WDFY3: variants seen among roughly 807,000 people sequenced by gnomAD.
WDFY3 encodes the protein WD repeat and FYVE domain-containing protein 3.
In WDFY3, 66 loss-of-function variants were observed where a neutral mutation model predicts 409.6. That is an observed-to-expected ratio of 0.16 (90% confidence interval 0.13 to 0.20). The LOEUF (loss-of-function observed/expected upper bound fraction) is 0.20, where lower values mean the gene tolerates loss of function less well. WDFY3 is among the 10% of genes least tolerant of loss of function. The probability of loss-of-function intolerance (pLI) is 1.00; values close to 1 mark genes in which losing one functional copy is unlikely to be tolerated. For synonymous variants in WDFY3, 1,521 were observed against 1,537.1 expected, an observed-to-expected ratio of 0.99 and a Z score of 0.25; for missense variants, 3,031 against 4,298.1, an observed-to-expected ratio of 0.71 and a Z score of 8.24.
chr4:84,700,662 C>T (rs1386003800), intron 56 of WDFY3, among the ~76,000 whole-genome samples: 1 of 152,228 alleles, frequency 6.6e-6, no homozygotes, highest in East Asian at 1.9e-4. Context: ...ACCTTTGCAA[C>T]ATGGATTATC....
Position 84,801,609 on chromosome 4 carries a change from A to G in WDFY3, c.2822+41T>C, listed in dbSNP as rs768367575. On this transcript the variant is annotated intron_variant, in intron 17 of 67. Coordinates refer to ENST00000295888, the MANE Select transcript of WDFY3 (RefSeq NM_014991.6). ...AATCATAAGGACTCTAGAAACTGAC[A>G]TTACTAATTGTGGACTATTTGAGTA... The G allele has an allele frequency of 2.6e-6, 4 of 1,557,212 alleles. No individual in the cohort carries two copies. In the African/African-American group the frequency reaches 5.4e-5, roughly 21 times the overall value.
At chr4:84,798,849 AGT>A (rs1409364294) in intron 17 of WDFY3, among the ~76,000 whole-genome samples, 1 of 151,860 alleles carries the variant, frequency 6.6e-6, no homozygotes, top group Non-Finnish European at 1.5e-5. Flanking sequence ...AAATCTACAC[AGT>A]GTCACTCTAT....
intron 66 of WDFY3, 82 bp from the exon 67 acceptor site, chr4:84,677,478 T>G: frequency 7.2e-7 from 1 of 1,384,606 alleles, no homozygotes; most frequent in Non-Finnish European, 9.6e-7. Flanking sequence ...TTTTGGTGGA[T>G]GTGTGTTTTG....
Position 84,766,024 on chromosome 4 carries a change from A to G in WDFY3, c.4974T>C (p.Ala1658=). ...SKEKTSINLQ[A]CEELVKTLGF... is the part of the protein sequence containing the mutation. Reference sequence around the variant, plus strand: ...CCAGTGTCTTCACCAGTTCTTCACAAGCTCTATTCAAGACAGATGGATTTA... The same window carrying G: ...CCAGTGTCTTCACCAGTTCTTCACAGGCTCTATTCAAGACAGATGGATTTA... The change falls in exon 32 of 68, where the codon GCT becomes GCC. Residue 1658 remains alanine (A), a synonymous_variant. Transcript: ENST00000295888. 1 of 1,613,958 alleles carries G rather than the reference A, an allele frequency of 6.2e-7. No individual in the cohort carries two copies. Among genetic ancestry groups the G allele is most frequent in the Non-Finnish European group, 8.5e-7 (1 of 1,179,900 alleles).
chr4:84,737,431 G>A, intron 40 of WDFY3, 65 bp from the exon 41 acceptor site: 1 of 1,446,688 alleles, frequency 6.9e-7, no homozygotes. Context: ...TATAAAGTTA[G>A]TTTTTATTTT....
chr4:84,688,720 A>G (rs28489607), intron 61 of WDFY3, among the ~76,000 whole-genome samples: 1 of 134,178 alleles, frequency 7.5e-6, no homozygotes, highest in East Asian at 2.2e-4. Flanking sequence ...ATTTTTTTTT[A>G]AAAAAATGCA....
intron 2 of WDFY3, among the ~76,000 whole-genome samples, chr4:84,905,331 A>G (rs1261424019): frequency 2.6e-5 from 4 of 152,142 alleles, no homozygotes; most frequent in African/African-American, 7.2e-5. Flanking sequence ...GTGAGACTCT[A>G]TCTCAATTAA....
chr4:84,757,796 C>A (rs1741711416), intron 32 of WDFY3, among the ~76,000 whole-genome samples: 1 of 152,114 alleles, frequency 6.6e-6, no homozygotes, highest in Non-Finnish European at 1.5e-5. Flanking sequence ...TCCTGAAAAT[C>A]ATGAAAAACT....
At chr4:84,820,220 G>A in intron 11 of WDFY3, 34 bp from the exon 12 acceptor site, 1 of 1,510,844 alleles carries the variant, frequency 6.6e-7, no homozygotes, top group East Asian at 2.3e-5. Context: ...AATTACAAAA[G>A]TGATAAGCTT....
chr4:84,774,131 T>A (rs1745161242), intron 29 of WDFY3, among the ~76,000 whole-genome samples: 1 of 152,232 alleles, frequency 6.6e-6, no homozygotes, highest in Non-Finnish European at 1.5e-5. Flanking sequence ...TGGGTGTGAT[T>A]TCACCTGAGA....
intron 2 of WDFY3, among the ~76,000 whole-genome samples, chr4:84,930,479 T>C (rs922816867): frequency 6.6e-6 from 1 of 152,138 alleles, no homozygotes; most frequent in Non-Finnish European, 1.5e-5. Context: ...ATGTAGAAAT[T>C]GATGTCCAGA....
chr4:84,932,850 C>T (rs1049922479), intron 1 of WDFY3, among the ~76,000 whole-genome samples: 1 of 152,190 alleles, frequency 6.6e-6, no homozygotes, highest in Non-Finnish European at 1.5e-5. Context: ...TTAAAAATTG[C>T]TGCCTCATTC....
chr4:84,682,785 C>A (rs1445844800), intron 63 of WDFY3: 5 of 268,852 alleles, frequency 1.9e-5, no homozygotes, highest in South Asian at 1.4e-4. Context: ...AGTTTGAGAC[C>A]AGCCAGGTCA....
intron 24 of WDFY3, among the ~76,000 whole-genome samples, chr4:84,783,348 G>T (rs1746905671): frequency 6.6e-6 from 1 of 152,102 alleles, no homozygotes. Context: ...CAAAAAATTA[G>T]CCAGGTCTTG....
chr4:84,715,248 CT>C (rs1733660338), intron 50 of WDFY3, 49 bp downstream of exon 50: 1 of 1,019,100 alleles, frequency 9.8e-7, no homozygotes, highest in Non-Finnish European at 1.5e-6. Context: ...AAGATTCCCC[CT>C]CCCATATCTT....
chr4:84,831,940 A>T (rs2149934521), intron 7 of WDFY3, among the ~76,000 whole-genome samples: 1 of 152,294 alleles, frequency 6.6e-6, no homozygotes, highest in East Asian at 1.9e-4. Flanking sequence ...GGATCCTCAG[A>T]AAAGTAAAAA....
chr4:84,725,516 A>C (rs900257904), intron 45 of WDFY3, among the ~76,000 whole-genome samples: 7 of 152,172 alleles, frequency 4.6e-5, no homozygotes, highest in Non-Finnish European at 1.0e-4. Context: ...AATATCCTAT[A>C]AAATATCAGA....
intron 32 of WDFY3, among the ~76,000 whole-genome samples, chr4:84,757,941 C>T (rs1451747313): frequency 1.3e-5 from 2 of 152,216 alleles, no homozygotes; most frequent in Non-Finnish European, 2.9e-5. Flanking sequence ...CCCGTTGTGG[C>T]TGCAGCTATC....
At chr4:84,946,168 C>T (rs1292599828) in intron 1 of WDFY3, among the ~76,000 whole-genome samples, 1 of 152,168 alleles carries the variant, frequency 6.6e-6, no homozygotes, top group Non-Finnish European at 1.5e-5. Flanking sequence ...TTCCTAGAAA[C>T]AGAACCCTGA....
Sources: gnomAD v4.1 joint callset for allele counts (sites outside exome capture counted in the v4.1 genomes callset) on GRCh38, gnomAD v4.1.1 for gene constraint, MANE v1.5 for transcripts, NCBI Gene and HGNC (gene_info 2026-07-23, HGNC 2026-07-21) for gene names.